The following ZMAT4 variants were observed in gnomAD, a reference collection of about 807,000 sequenced individuals.
ZMAT4 encodes the protein zinc finger matrin-type protein 4.
Under a neutral mutation model 28.7 loss-of-function variants are expected in ZMAT4, and 17 were observed. The ratio of observed to expected loss-of-function variants is 0.59; its 90% CI spans 0.41 to 0.89. ZMAT4 has a LOEUF of 0.89. Ranked by LOEUF, ZMAT4 falls within the 40% of genes least tolerant of loss-of-function variation. The pLI, the probability that ZMAT4 is intolerant of heterozygous loss-of-function variation, is 0.00. For synonymous variants in ZMAT4, 117 were observed against 109.2 expected, an observed-to-expected ratio of 1.07 and a Z score of -0.44; for missense variants, 240 against 283.8, an observed-to-expected ratio of 0.85 and a Z score of 1.11.
intron 3 of ZMAT4, among the ~76,000 whole-genome samples, chr8:40,701,136 A>G (rs1810126635): frequency 6.6e-6 from 1 of 152,210 alleles, no homozygotes; most frequent in Non-Finnish European, 1.5e-5. Flanking sequence ...AACCAACTTG[A>G]GGGTTCAGTA....
At chr8:40,561,548 C>T (rs184589229) in intron 6 of ZMAT4, among the ~76,000 whole-genome samples, 105 of 152,208 alleles carry the variant, frequency 6.9e-4, no homozygotes, top group African/African-American at 2.5e-3. Flanking sequence ...CCAGCTGGTG[C>T]TCAGGGTCTG....
chr8:40,870,345 A>C (rs1817813295), intron 1 of ZMAT4, among the ~76,000 whole-genome samples: 1 of 152,060 alleles, frequency 6.6e-6, no homozygotes, highest in Non-Finnish European at 1.5e-5. Flanking sequence ...ACCCTTCCTC[A>C]AGTCTCATAT....
chr8:40,867,225 C>T (rs776366526), intron 1 of ZMAT4, among the ~76,000 whole-genome samples: 6 of 152,116 alleles, frequency 3.9e-5, no homozygotes, highest in Non-Finnish European at 7.3e-5. Context: ...ACAAAAAATA[C>T]ACTAACACTA....
intron 5 of ZMAT4, among the ~76,000 whole-genome samples, chr8:40,586,908 A>G (rs904799029): frequency 1.3e-5 from 2 of 152,162 alleles, no homozygotes; most frequent in African/African-American, 4.8e-5. Context: ...CAGGATCATG[A>G]GGAAGAAAGT....
chr8:40,847,371 G>C (rs745657163), intron 1 of ZMAT4, among the ~76,000 whole-genome samples: 1 of 152,124 alleles, frequency 6.6e-6, no homozygotes, highest in Non-Finnish European at 1.5e-5. Context: ...CCAGGAAAGC[G>C]CTCCTCAAAC....
intron 6 of ZMAT4, among the ~76,000 whole-genome samples, chr8:40,573,582 A>T (rs1024999453): frequency 6.6e-6 from 1 of 152,174 alleles, no homozygotes; most frequent in Non-Finnish European, 1.5e-5. Flanking sequence ...GACCCTATTT[A>T]CATATAAGGC....
chr8:40,661,876 G>C (rs1808213691), intron 5 of ZMAT4, among the ~76,000 whole-genome samples: 1 of 152,216 alleles, frequency 6.6e-6, no homozygotes, highest in Non-Finnish European at 1.5e-5. Flanking sequence ...GAGGGTCTTA[G>C]AGCACTGAGG....
At position 40,877,884 on chromosome 8, in the gene ZMAT4, C is replaced by A. The variant is rs187873176; in HGVS notation, c.-5+19799G>T. 3.4e-3 allele frequency among the ~76,000 whole-genome samples: 514 copies of A among 152,256 alleles called. 1 individual carries two copies. Among genetic ancestry groups the A allele is most frequent in the African/African-American group, 0.012 (488 of 41,556 alleles). ...TCAGATCTTTAAAAGAAGCAAAACA[C>A]CTGGGCGCATTCCAAAAGCAGGGAG... On this transcript the variant is annotated intron_variant, in intron 1 of 6. Transcript: ENST00000297737.
intron 1 of ZMAT4, among the ~76,000 whole-genome samples, chr8:40,850,888 A>C (rs1817080500): frequency 6.6e-6 from 1 of 152,200 alleles, no homozygotes; most frequent in African/African-American, 2.4e-5. Flanking sequence ...GAGATTTCAA[A>C]AGGGCTTTTG....
chr8:40,882,149 T>C (rs954997224), intron 1 of ZMAT4, among the ~76,000 whole-genome samples: 1 of 152,152 alleles, frequency 6.6e-6, no homozygotes, highest in African/African-American at 2.4e-5. Context: ...GCCTCGGAGC[T>C]CATTCTGCAA....
intron 5 of ZMAT4, among the ~76,000 whole-genome samples, chr8:40,595,072 G>C (rs985434307): frequency 1.3e-5 from 2 of 152,110 alleles, no homozygotes; most frequent in African/African-American, 2.4e-5. Context: ...CAGATAAAAA[G>C]AAAAAGCAAA....
intron 2 of ZMAT4, among the ~76,000 whole-genome samples, chr8:40,817,525 G>A (rs535347340): frequency 3.9e-5 from 6 of 152,298 alleles, no homozygotes; most frequent in African/African-American, 7.2e-5. Flanking sequence ...TCACAGTGTC[G>A]CCCTGCAGGA....
At chr8:40,588,647 A>G (rs1405023520) in intron 5 of ZMAT4, among the ~76,000 whole-genome samples, 11 of 152,120 alleles carry the variant, frequency 7.2e-5, no homozygotes, top group Non-Finnish European at 4.4e-5. Flanking sequence ...ATATGGAACA[A>G]CTAGAATTTG....
At position 40,639,771 on chromosome 8, in the gene ZMAT4, TACACACAC is replaced by T. The variant is rs10676366; in HGVS notation, c.577+34925_577+34932del. On this transcript the variant is annotated intron_variant, in intron 5 of 6. Coordinates refer to ENST00000297737, the MANE Select transcript of ZMAT4 (RefSeq NM_024645.3). ...AACTAACAAAATTAAGTCCTTTTGT[TACACACAC>T]ACACACACACACACACACACACATT... Among the ~76,000 whole-genome samples, 30 of 146,460 alleles carry T rather than the reference TACACACAC, an allele frequency of 2.0e-4. No homozygotes were observed. In the East Asian group the frequency reaches 2.7e-3, roughly 13 times the overall value.
intron 6 of ZMAT4, among the ~76,000 whole-genome samples, chr8:40,579,936 G>C (rs1040405240): frequency 5.3e-5 from 8 of 151,600 alleles, no homozygotes; most frequent in African/African-American, 1.9e-4. Flanking sequence ...CGTGGCATTA[G>C]AGAACAATCT....
chr8:40,711,074 G>A (rs934889193), intron 3 of ZMAT4, among the ~76,000 whole-genome samples: 1 of 152,072 alleles, frequency 6.6e-6, no homozygotes, highest in Non-Finnish European at 1.5e-5. Flanking sequence ...ATGAGCCACC[G>A]TGTGCGGCCA....
chr8:40,837,861 C>T lies in ZMAT4; in HGVS notation c.-4-12181G>A, dbSNP rs990324015. On this transcript the variant is annotated intron_variant, in intron 1 of 6. Transcript: ENST00000297737. ...GATGAGCCAACCAGGAGGATGTTCTCAGGTACCAGTGGCACCTGCCAAGAA... is the reference window on the plus strand; with the variant it reads ...GATGAGCCAACCAGGAGGATGTTCTTAGGTACCAGTGGCACCTGCCAAGAA... Among the ~76,000 whole-genome samples, 5 of 152,336 alleles carry T rather than the reference C, an allele frequency of 3.3e-5. No homozygotes were observed. In the South Asian group the frequency reaches 8.3e-4, roughly 25 times the overall value.
At chr8:40,568,778 A>G (rs1355798577) in intron 6 of ZMAT4, among the ~76,000 whole-genome samples, 2 of 152,116 alleles carry the variant, frequency 1.3e-5, no homozygotes, top group Non-Finnish European at 2.9e-5. Flanking sequence ...TTCAGGACTG[A>G]ACCCAGCCAG....
intron 1 of ZMAT4, among the ~76,000 whole-genome samples, chr8:40,848,414 A>G (rs1816986357): frequency 6.6e-6 from 1 of 152,210 alleles, no homozygotes; most frequent in African/African-American, 2.4e-5. Flanking sequence ...CATCACTGAA[A>G]AAACATAGTG....
Sources: gnomAD v4.1 joint callset for allele counts (sites outside exome capture counted in the v4.1 genomes callset) on GRCh38, gnomAD v4.1.1 for gene constraint, MANE v1.5 for transcripts, NCBI Gene and HGNC (gene_info 2026-07-23, HGNC 2026-07-21) for gene names.